Variants in CPEB3 observed in about 807,000 individuals in gnomAD.
The protein encoded by CPEB3 is cytoplasmic polyadenylation element binding protein 3.
In CPEB3, 20 loss-of-function variants were observed where a neutral mutation model predicts 67.2. The ratio of observed to expected loss-of-function variants is 0.30; its 90% CI spans 0.21 to 0.43. The LOEUF is 0.43. CPEB3 is among the 20% of genes least tolerant of loss of function. The pLI is 1.00. For missense variants in CPEB3, 746 were observed against 968.6 expected (o/e 0.77, Z 3.05); for synonymous variants, 376 against 393.1 (o/e 0.96, Z 0.51).
chr10:92,235,662 AC>A (rs1234381417), intron 2 of CPEB3, among the ~76,000 whole-genome samples: 35 of 152,362 alleles, frequency 2.3e-4, no homozygotes, highest in Non-Finnish European at 4.8e-4. Flanking sequence ...GAGAACCAGC[AC>A]GTTTATATAA....
rs551660218 is a variant in CPEB3 at position 92,142,539 on chromosome 10, G to T, written c.1453+490C>A. Among the ~76,000 whole-genome samples the T allele has an allele frequency of 1.1e-4, 16 of 152,270 alleles. No homozygotes were observed. In the East Asian group the frequency reaches 3.1e-3, roughly 29 times the overall value. On this transcript the variant is annotated intron_variant, in intron 6 of 9. Transcript: ENST00000265997. Reference sequence around the variant, plus strand: ...AGGTCATATGGAGTGTCTTTTGCTAGTTTGCCCTCTGCTCCCAAACAGGCT... The same window carrying T: ...AGGTCATATGGAGTGTCTTTTGCTATTTTGCCCTCTGCTCCCAAACAGGCT...
intron 7 of CPEB3, among the ~76,000 whole-genome samples, chr10:92,105,684 G>A (rs1025168983): frequency 6.8e-6 from 1 of 147,936 alleles, no homozygotes; most frequent in Non-Finnish European, 1.5e-5. Context: ...AGGTTCTATA[G>A]ATACTGTGTA....
chr10:92,124,658 C>A (rs1590193277), intron 6 of CPEB3, among the ~76,000 whole-genome samples: 1 of 151,916 alleles, frequency 6.6e-6, no homozygotes, highest in African/African-American at 2.4e-5. Context: ...TGACGAACTG[C>A]AAAAGGTTAA....
At chr10:92,282,017 C>G (rs963721210) in intron 1 of CPEB3, among the ~76,000 whole-genome samples, 2 of 152,218 alleles carry the variant, frequency 1.3e-5, no homozygotes, top group African/African-American at 4.8e-5. Context: ...AACTGCTGCT[C>G]TATGAAATCC....
chr10:92,124,740 CT>C (rs1845536029), intron 6 of CPEB3, among the ~76,000 whole-genome samples: 1 of 152,164 alleles, frequency 6.6e-6, no homozygotes, highest in African/African-American at 2.4e-5. Flanking sequence ...AACTTGGAAT[CT>C]GGCCTAAAAT....
chr10:92,153,674 G>A (rs1425328814), intron 4 of CPEB3, among the ~76,000 whole-genome samples: 1 of 152,152 alleles, frequency 6.6e-6, no homozygotes, highest in African/African-American at 2.4e-5. Context: ...CCAGCTACTT[G>A]GGGGGCTGAG....
intron 6 of CPEB3, among the ~76,000 whole-genome samples, chr10:92,117,882 T>G (rs1216521471): frequency 1.3e-5 from 2 of 152,192 alleles, no homozygotes; most frequent in Non-Finnish European, 2.9e-5. Context: ...ATCCTCACAG[T>G]AACTCTATGA....
intron 1 of CPEB3, among the ~76,000 whole-genome samples, chr10:92,280,798 C>T (rs554763030): frequency 8.6e-4 from 103 of 120,354 alleles, no homozygotes; most frequent in African/African-American, 3.3e-3. Flanking sequence ...TTGCTCTCGT[C>T]GCCCAGGCTG....
At chr10:92,179,853 C>A (rs1848387173) in intron 4 of CPEB3, among the ~76,000 whole-genome samples, 1 of 151,986 alleles carries the variant, frequency 6.6e-6, no homozygotes, top group South Asian at 2.1e-4. Flanking sequence ...AAAATCTGTT[C>A]TAAAGAACTC....
intron 9 of CPEB3, among the ~76,000 whole-genome samples, chr10:92,071,426 C>T (rs1842748770): frequency 6.6e-6 from 1 of 152,046 alleles, no homozygotes; most frequent in Non-Finnish European, 1.5e-5. Flanking sequence ...ACTGATTCTA[C>T]ACTTTAAAAA....
At chr10:92,056,142 T>A (rs746022250) in intron 9 of CPEB3, among the ~76,000 whole-genome samples, 1 of 152,150 alleles carries the variant, frequency 6.6e-6, no homozygotes, top group Non-Finnish European at 1.5e-5. Context: ...GAGGGTGCTG[T>A]CCCTGCAGAG....
chr10:92,193,412 T>C (rs1402568015), intron 2 of CPEB3, among the ~76,000 whole-genome samples: 2 of 152,042 alleles, frequency 1.3e-5, no homozygotes, highest in East Asian at 1.9e-4. Flanking sequence ...AATAACCTTA[T>C]TGTCAAACGA....
At chr10:92,238,813 CAT>C (rs374148433) in intron 2 of CPEB3, among the ~76,000 whole-genome samples, 34 of 152,318 alleles carry the variant, frequency 2.2e-4, no homozygotes, top group African/African-American at 5.3e-4. Flanking sequence ...GACATAAACA[CAT>C]GTGTTCACAT....
intron 2 of CPEB3, among the ~76,000 whole-genome samples, chr10:92,207,767 G>C (rs1849862810): frequency 6.6e-6 from 1 of 152,116 alleles, no homozygotes. Flanking sequence ...CTACTCACAA[G>C]GCTGAGGCAG....
chr10:92,051,075 C>T lies in CPEB3; in HGVS notation c.*1137G>A, dbSNP rs1335798327. ...ACCGCAAAGTACTTCATCTACCATC[C>T]ACAAATTTGCTTGAAGAATATCCTA... On this transcript the variant is annotated 3_prime_UTR_variant, in exon 10 of 10. Transcript: ENST00000265997. 1 of 152,490 alleles carries T rather than the reference C, an allele frequency of 6.6e-6. No individual in the cohort carries two copies. The highest frequency in any genetic ancestry group is 1.5e-5 in the Non-Finnish European group (1 of 68,012). 9.4% of individuals were successfully genotyped at this position (152,490 alleles called of 1,614,324 possible).
At chr10:92,240,700 C>G (rs1285421135) in intron 1 of CPEB3, among the ~76,000 whole-genome samples, 2 of 152,164 alleles carry the variant, frequency 1.3e-5, no homozygotes, top group African/African-American at 4.8e-5. Context: ...AGCGTTCGCC[C>G]TGCAATGAGA....
At chr10:92,257,926 C>T (rs189738052) in intron 1 of CPEB3, among the ~76,000 whole-genome samples, 109 of 151,048 alleles carry the variant, frequency 7.2e-4, no homozygotes, top group African/African-American at 2.5e-3. Context: ...GATGGGGTTT[C>T]GCCATGTTGG....
chr10:92,162,194 T>C (rs1847520425), intron 4 of CPEB3, among the ~76,000 whole-genome samples: 1 of 152,006 alleles, frequency 6.6e-6, no homozygotes, highest in African/African-American at 2.4e-5. Context: ...TATTAAGCAA[T>C]TTAGAGCCCA....
intron 3 of CPEB3, among the ~76,000 whole-genome samples, chr10:92,182,751 G>A (rs775648444): frequency 1.5e-4 from 22 of 151,076 alleles, no homozygotes; most frequent in Non-Finnish European, 2.1e-4. Flanking sequence ...ACTTGAACTC[G>A]GAATGTGGAG....
Sources: allele counts gnomAD v4.1 joint callset (sites outside exome capture counted in the v4.1 genomes callset), GRCh38; gene constraint gnomAD v4.1.1; transcripts MANE v1.5; gene names NCBI Gene and HGNC (gene_info 2026-07-23, HGNC 2026-07-21).